The following UGGT2 variants were observed in gnomAD, a reference collection of about 807,000 sequenced individuals.
The protein encoded by UGGT2 is UDP-glucose glycoprotein glucosyltransferase 2.
A neutral mutation model predicts 192.1 loss-of-function variants in UGGT2; 180 were observed. That is an observed-to-expected ratio of 0.94 (90% confidence interval 0.83 to 1.06). The LOEUF is 1.06. Ranked by LOEUF, UGGT2 falls within the 50% of genes least tolerant of loss-of-function variation. The pLI is 0.00. For missense variants in UGGT2, 1,849 were observed against 1,795.7 expected (o/e 1.03, Z -0.54); for synonymous variants, 580 against 591.0 (o/e 0.98, Z 0.27).
rs137988392 is a variant in UGGT2 at position 95,987,659 on chromosome 13, T to C, written c.932-1227A>G. Reference sequence around the variant, plus strand: ...ACTTAGACAAGAGCTTCACAAACCATGCTAAGGGGTTTAAACTTAATACTT... The same window carrying C: ...ACTTAGACAAGAGCTTCACAAACCACGCTAAGGGGTTTAAACTTAATACTT... On this transcript the variant is annotated intron_variant, in intron 8 of 38. Transcript: ENST00000376747. Among the ~76,000 whole-genome samples the C allele has an allele frequency of 3.0e-3, 450 of 152,242 alleles. 3 individuals are homozygous for C. The highest frequency in any genetic ancestry group is 0.01 in the African/African-American group (425 of 41,564).
intron 5 of UGGT2, among the ~76,000 whole-genome samples, chr13:96,012,226 A>G (rs920544604): frequency 3.9e-5 from 6 of 152,054 alleles, no homozygotes; most frequent in Non-Finnish European, 4.4e-5. Context: ...GTGAAGACCA[A>G]TAATTTTTCA....
intron 1 of UGGT2, among the ~76,000 whole-genome samples, chr13:96,041,680 TG>T (rs2053168796): frequency 6.6e-6 from 1 of 152,030 alleles, no homozygotes; most frequent in African/African-American, 2.4e-5. Context: ...TGCTGTTGGG[TG>T]GGGCACAGAG....
intron 12 of UGGT2, among the ~76,000 whole-genome samples, chr13:95,965,341 C>G (rs1450030660): frequency 4.5e-4 from 68 of 150,726 alleles, no homozygotes; most frequent in African/African-American, 1.4e-3. Flanking sequence ...GGAACCAACC[C>G]AAATGTCCAA....
intron 2 of UGGT2, among the ~76,000 whole-genome samples, chr13:96,026,645 C>T (rs1230543726): frequency 6.7e-6 from 1 of 149,574 alleles, no homozygotes; most frequent in Non-Finnish European, 1.5e-5. Flanking sequence ...ATAAGCATTG[C>T]CTCTTTCACT....
At chr13:96,011,177 T>C (rs556334594) in intron 5 of UGGT2, among the ~76,000 whole-genome samples, 9 of 152,152 alleles carry the variant, frequency 5.9e-5, no homozygotes, top group Middle Eastern at 3.4e-3. Flanking sequence ...GACCTTGAGA[T>C]TGGTGATGAG....
rs150423982 is a variant in UGGT2 at position 95,893,506 on chromosome 13, C to T, written c.2855+1056G>A. ...TGTAAAGTGACCTGAAGTATTTGCC[C>T]ATCACTGTGGCATACTGTATTATCC... On this transcript the variant is annotated intron_variant, in intron 24 of 38. Transcript: ENST00000376747. Among the ~76,000 whole-genome samples, 1,193 of 152,168 alleles carry T rather than the reference C, an allele frequency of 7.8e-3. 10 individuals carry two copies. Among genetic ancestry groups the T allele is most frequent in the African/African-American group, 0.028 (1,146 of 41,518 alleles).
chr13:95,933,642 G>T lies in UGGT2; in HGVS notation c.1977+3282C>A, dbSNP rs551846414. 6.6e-5 allele frequency among the ~76,000 whole-genome samples: 10 copies of T among 151,948 alleles called. No individual in the cohort carries two copies. In the South Asian group the frequency reaches 1.5e-3, roughly 22 times the overall value. ...TGTTTTTCCTAATTCCTCTTGGTGT[G>T]ATGTTAAGTCATTATTTTGAGATAG... On this transcript the variant is annotated intron_variant, in intron 17 of 38. Coordinates refer to ENST00000376747, the MANE Select transcript of UGGT2 (RefSeq NM_020121.4).
rs1307447474 is a variant in UGGT2, at chr13:95,832,976, A to C, written c.4479T>G (p.Ala1493=). 6.2e-7 allele frequency: 1 copy of C among 1,612,820 alleles called. No individual in the cohort carries two copies. Among genetic ancestry groups the C allele is most frequent in the African/African-American group, 1.3e-5 (1 of 74,868 alleles). The change falls in exon 38 of 39, where the codon GCT becomes GCG. Residue 1493 remains alanine (A), a synonymous_variant. Transcript: ENST00000376747. ...GATGATCTAATAGTTGTCTTATCTC[A>C]GCATCATACTCCACCCATTCTGGGA... ...RIVPEWVEYD[A]EIRQLLDHLE...
chr13:95,834,326 G>T (rs1344289408), intron 37 of UGGT2, among the ~76,000 whole-genome samples: 2 of 151,980 alleles, frequency 1.3e-5, no homozygotes, highest in Non-Finnish European at 2.9e-5. Context: ...GCAAAGTCTG[G>T]AGAAAATGTG....
At chr13:95,818,852 G>A (rs1885204161) in intron 38 of UGGT2, among the ~76,000 whole-genome samples, 1 of 152,136 alleles carries the variant, frequency 6.6e-6, no homozygotes, top group African/African-American at 2.4e-5. Context: ...TCTCAACCAG[G>A]CTAGGACTTG....
chr13:95,911,106 A>G (rs969410482), intron 20 of UGGT2, among the ~76,000 whole-genome samples: 1 of 152,238 alleles, frequency 6.6e-6, no homozygotes, highest in Non-Finnish European at 1.5e-5. Context: ...AGGGAAATTT[A>G]TACTACTAAA....
intron 1 of UGGT2, among the ~76,000 whole-genome samples, chr13:96,043,054 C>G (rs2053211055): frequency 6.6e-6 from 1 of 152,190 alleles, no homozygotes; most frequent in Non-Finnish European, 1.5e-5. Context: ...TGCCTAGGCA[C>G]ATAGTCATCA....
Position 96,020,266 on chromosome 13 carries a change from T to G in UGGT2, c.485+2774A>C, listed in dbSNP as rs114180299. Reference sequence around the variant, plus strand: ...TCAGTTTCAACAAGAGCTTAAGAACTGCTATTTTAAAAAGGGGTGTACTAA... The same window carrying G: ...TCAGTTTCAACAAGAGCTTAAGAACGGCTATTTTAAAAAGGGGTGTACTAA... On this transcript the variant is annotated intron_variant, in intron 4 of 38. Transcript: ENST00000376747. Among the ~76,000 whole-genome samples, 1,442 of 152,160 alleles carry G rather than the reference T, an allele frequency of 9.5e-3. 28 individuals carry two copies. Among genetic ancestry groups the G allele is most frequent in the African/African-American group, 0.033 (1,383 of 41,514 alleles).
intron 4 of UGGT2, among the ~76,000 whole-genome samples, chr13:96,016,830 G>C (rs1222614271): frequency 6.6e-6 from 1 of 152,194 alleles, no homozygotes; most frequent in Non-Finnish European, 1.5e-5. Context: ...TTCACCAGCA[G>C]CTTGCACCTT....
chr13:95,954,282 C>T (rs150814003), intron 12 of UGGT2, among the ~76,000 whole-genome samples: 2 of 152,204 alleles, frequency 1.3e-5, no homozygotes, highest in Non-Finnish European at 2.9e-5. Context: ...ATTCTATGCC[C>T]CACAACAATC....
At chr13:95,825,291 G>A (rs540804628) in intron 38 of UGGT2, among the ~76,000 whole-genome samples, 25 of 152,268 alleles carry the variant, frequency 1.6e-4, no homozygotes, top group Admixed American at 1.5e-3. Flanking sequence ...AGCTAAAGCA[G>A]GTGGTAAATG....
At chr13:96,051,774 C>A (rs954338327) in intron 1 of UGGT2, among the ~76,000 whole-genome samples, 1 of 151,922 alleles carries the variant, frequency 6.6e-6, no homozygotes, top group African/African-American at 2.4e-5. Flanking sequence ...AACCACAATG[C>A]GATACCACCT....
intron 29 of UGGT2, among the ~76,000 whole-genome samples, chr13:95,874,346 A>C (rs1405868752): frequency 6.6e-6 from 1 of 152,138 alleles, no homozygotes; most frequent in Non-Finnish European, 1.5e-5. Context: ...ATTTAAAGTT[A>C]GGCACAATAC....
At chr13:95,936,802 C>G in intron 17 of UGGT2, 122 bp downstream of exon 17, 1 of 979,862 alleles carries the variant, frequency 1.0e-6, no homozygotes, top group Non-Finnish European at 1.4e-6. Flanking sequence ...TTTTAAAAAT[C>G]ACTATGAAAT....
Sources: gnomAD v4.1 joint callset for allele counts (sites outside exome capture counted in the v4.1 genomes callset) on GRCh38, gnomAD v4.1.1 for gene constraint, MANE v1.5 for transcripts, NCBI Gene and HGNC (gene_info 2026-07-23, HGNC 2026-07-21) for gene names.